FGF14: variants seen among roughly 807,000 people sequenced by gnomAD.
The protein encoded by FGF14 is fibroblast growth factor homologous factor 4.
Under a neutral mutation model 25.5 loss-of-function variants are expected in FGF14, and 5 were observed. The ratio of observed to expected loss-of-function variants is 0.20; its 90% CI spans 0.10 to 0.41. The LOEUF (loss-of-function observed/expected upper bound fraction) is 0.41. Ranked by LOEUF, FGF14 falls within the 10% of genes least tolerant of loss-of-function variation. The pLI is 1.00. For missense variants in FGF14, 222 were observed against 320.1 expected, an observed-to-expected ratio of 0.69 and a Z score of 2.34; for synonymous variants, 138 against 118.3, an observed-to-expected ratio of 1.17 and a Z score of -1.08.
At chr13:102,021,436 A>G (rs2040646252) in intron 1 of FGF14, among the ~76,000 whole-genome samples, 1 of 151,738 alleles carries the variant, frequency 6.6e-6, no homozygotes. Flanking sequence ...AAGAGGAGAA[A>G]GAGCCCTTTG....
At chr13:102,371,736 A>G (rs1477731516) in intron 1 of FGF14, among the ~76,000 whole-genome samples, 1 of 152,210 alleles carries the variant, frequency 6.6e-6, no homozygotes, top group Non-Finnish European at 1.5e-5. Context: ...ATAAATGAAT[A>G]ACAAAGTAAA....
At chr13:101,801,575 G>A (rs2040872554) in intron 3 of FGF14, among the ~76,000 whole-genome samples, 1 of 152,104 alleles carries the variant, frequency 6.6e-6, no homozygotes, top group South Asian at 2.1e-4. Context: ...GAGATTTGAG[G>A]GTTTTCAGAA....
intron 1 of FGF14, among the ~76,000 whole-genome samples, chr13:101,924,654 A>G (rs1198040134): frequency 1.3e-5 from 2 of 152,212 alleles, no homozygotes; most frequent in East Asian, 3.8e-4. Flanking sequence ...CATCCAAATA[A>G]TATGTGTATA....
At chr13:101,798,213 T>C (rs1054075199) in intron 3 of FGF14, among the ~76,000 whole-genome samples, 46 of 152,134 alleles carry the variant, frequency 3.0e-4, no homozygotes, top group African/African-American at 1.1e-3. Flanking sequence ...TCTCACAGTT[T>C]TCCCTGGAGT....
intron 1 of FGF14, among the ~76,000 whole-genome samples, chr13:101,990,499 G>A (rs1341022873): frequency 6.6e-6 from 1 of 151,932 alleles, no homozygotes; most frequent in African/African-American, 2.4e-5. Context: ...TTATATCTAT[G>A]TCCAATTACA....
intron 1 of FGF14, 151 bp downstream of exon 1, chr13:101,916,302 G>A: frequency 2.1e-6 from 2 of 935,870 alleles, no homozygotes; most frequent in Non-Finnish European, 3.4e-6. Flanking sequence ...CGGACTCCAG[G>A]GTCCCCGCGA....
chr13:102,334,056 C>A (rs1228392073), intron 1 of FGF14, among the ~76,000 whole-genome samples: 2 of 152,130 alleles, frequency 1.3e-5, no homozygotes, highest in Non-Finnish European at 2.9e-5. Flanking sequence ...CCCAGTCTCT[C>A]CAAACATGCA....
chr13:101,730,419 T>C (rs1034981143), intron 3 of FGF14, among the ~76,000 whole-genome samples: 1 of 152,220 alleles, frequency 6.6e-6, no homozygotes, highest in Non-Finnish European at 1.5e-5. Flanking sequence ...CTGAACTTTC[T>C]GGTAGCCAGG....
At chr13:101,810,292 G>T (rs1251926716) in intron 3 of FGF14, among the ~76,000 whole-genome samples, 3 of 152,112 alleles carry the variant, frequency 2.0e-5, no homozygotes, top group African/African-American at 7.2e-5. Flanking sequence ...TTATTTTTAT[G>T]ATCTATGCAG....
At chr13:102,249,549 G>GGGGTGT (rs150219891) in intron 1 of FGF14, among the ~76,000 whole-genome samples, 6 of 150,400 alleles carry the variant, frequency 4.0e-5, no homozygotes, top group African/African-American at 1.5e-4. Flanking sequence ...TACTGAGAGG[G>GGGGTGT]GTGTGTGTGT....
chr13:101,880,429 T>C (rs1454210770), intron 1 of FGF14, among the ~76,000 whole-genome samples: 2 of 152,028 alleles, frequency 1.3e-5, no homozygotes, highest in African/African-American at 4.8e-5. Context: ...TAGCCGGGCA[T>C]GGTGGCACAC....
At chr13:102,310,697 G>GTGGC (rs796286929) in intron 1 of FGF14, among the ~76,000 whole-genome samples, 1 of 11,726 alleles carries the variant, frequency 8.5e-5, no homozygotes, top group Non-Finnish European at 2.2e-4. Flanking sequence ...GTGTGTGTGT[G>GTGGC]GGGGGGGGGG....
chr13:102,386,882 C>T (rs945201718), intron 1 of FGF14, among the ~76,000 whole-genome samples: 21 of 152,352 alleles, frequency 1.4e-4, no homozygotes, highest in African/African-American at 4.8e-4. Flanking sequence ...CTATTGCATT[C>T]GCACTCATTT....
At chr13:102,355,880 T>C (rs528952858) in intron 1 of FGF14, among the ~76,000 whole-genome samples, 26 of 152,280 alleles carry the variant, frequency 1.7e-4, no homozygotes, top group African/African-American at 6.0e-4. Flanking sequence ...TTATAGATTA[T>C]CTTAGGACTA....
chr13:101,861,055 C>T (rs1244835158), intron 3 of FGF14, among the ~76,000 whole-genome samples: 1 of 152,000 alleles, frequency 6.6e-6, no homozygotes, highest in African/African-American at 2.4e-5. Context: ...TTCTCAAGAC[C>T]TCATGTTATT....
intron 1 of FGF14, among the ~76,000 whole-genome samples, chr13:102,167,773 T>C (rs1391393816): frequency 6.7e-6 from 1 of 149,940 alleles, no homozygotes; most frequent in Non-Finnish European, 1.5e-5. Flanking sequence ...CATTAAGATA[T>C]TAGAAACTGG....
chr13:101,968,756 A>G (rs1204640513), intron 1 of FGF14, among the ~76,000 whole-genome samples: 2 of 152,000 alleles, frequency 1.3e-5, no homozygotes, highest in African/African-American at 4.8e-5. Context: ...TCACAGCCAC[A>G]AAAGTGTGAG....
At position 101,940,497 on chromosome 13, in the gene FGF14, C is replaced by A. The variant is rs74340119; in HGVS notation, c.209-65201G>T. ...TCAAACATGAAAAGCTTGTGCTCGC[C>A]TTGAGGCTTTTGTACAAATTGCTTT... On this transcript the variant is annotated intron_variant, in intron 1 of 4. Coordinates refer to the FGF14 transcript ENST00000376131. Among the ~76,000 whole-genome samples the A allele has an allele frequency of 2.6e-5, 4 of 152,200 alleles. 1 individual carries two copies. In the South Asian group the frequency reaches 8.3e-4, roughly 31 times the overall value.
chr13:101,764,451 T>C (rs2038251576), intron 3 of FGF14, among the ~76,000 whole-genome samples: 1 of 152,234 alleles, frequency 6.6e-6, no homozygotes. Flanking sequence ...TGAACCTCAC[T>C]GGTGATCTCC....
Sources: allele counts gnomAD v4.1 joint callset (sites outside exome capture counted in the v4.1 genomes callset), GRCh38; gene constraint gnomAD v4.1.1; transcripts MANE v1.5; gene names NCBI Gene and HGNC (gene_info 2026-07-23, HGNC 2026-07-21).